UGGT2: variants seen among roughly 807,000 people sequenced by gnomAD.
UGGT2 encodes UDP-glucose:glycoprotein glucosyltransferase 2.
In UGGT2, 180 loss-of-function variants were observed where a neutral mutation model predicts 192.1. That is an observed-to-expected ratio of 0.94 (90% CI 0.83 to 1.06). UGGT2 has a LOEUF of 1.06. UGGT2 is among the 50% of genes least tolerant of loss of function. The pLI, the probability that UGGT2 is intolerant of heterozygous loss-of-function variation, is 0.00. For synonymous variants in UGGT2, 580 were observed against 591.0 expected (o/e 0.98, Z 0.27); for missense variants, 1,849 against 1,795.7 (o/e 1.03, Z -0.54).
intron 4 of UGGT2, among the ~76,000 whole-genome samples, chr13:96,014,660 G>A (rs1414735224): frequency 6.6e-6 from 1 of 152,134 alleles, no homozygotes; most frequent in Non-Finnish European, 1.5e-5. Flanking sequence ...GAAGAGACAT[G>A]AATGTGCAAA....
At chr13:95,859,164 C>G (rs1038072041) in intron 33 of UGGT2, among the ~76,000 whole-genome samples, 1 of 152,086 alleles carries the variant, frequency 6.6e-6, no homozygotes, top group Non-Finnish European at 1.5e-5. Context: ...ATACACTACA[C>G]AGACGAAAGA....
chr13:95,909,676 G>A (rs1375530807), intron 20 of UGGT2, among the ~76,000 whole-genome samples: 7 of 147,414 alleles, frequency 4.7e-5, no homozygotes, highest in African/African-American at 7.5e-5. Flanking sequence ...TGGGTGCAGC[G>A]CACCAGCATG....
chr13:96,036,346 T>C (rs1485260834), intron 1 of UGGT2, among the ~76,000 whole-genome samples: 1 of 152,080 alleles, frequency 6.6e-6, no homozygotes, highest in East Asian at 1.9e-4. Context: ...AAGTGGGAGC[T>C]GAATGATGAG....
chr13:95,923,492 GC>G (rs2140416760), intron 20 of UGGT2, among the ~76,000 whole-genome samples: 1 of 150,900 alleles, frequency 6.6e-6, no homozygotes, highest in East Asian at 2.0e-4. Context: ...CCTCAGCCTC[GC>G]CAGTAGCTGG....
intron 20 of UGGT2, among the ~76,000 whole-genome samples, chr13:95,916,759 A>G (rs2048693435): frequency 6.6e-6 from 1 of 152,186 alleles, no homozygotes; most frequent in African/African-American, 2.4e-5. Flanking sequence ...CAATGCAACC[A>G]CAAGTATCAA....
rs1442170678 is a variant in UGGT2, at chr13:95,895,163, A to C, written c.2759+17T>G. The C allele has an allele frequency of 1.3e-6, 2 of 1,562,978 alleles. No individual in the cohort carries two copies. The highest frequency in any genetic ancestry group is 1.7e-6 in the Non-Finnish European group (2 of 1,166,002). On this transcript the variant is annotated intron_variant, in intron 23 of 38. Coordinates refer to ENST00000376747, the MANE Select transcript of UGGT2 (RefSeq NM_020121.4). ...ACCAAACCCAAAATGAATTGCTCTT[A>C]GAACTTATATACTCACTTATTTGCG... is the stretch of plus-strand genomic sequence containing the variant.
chr13:95,806,398 T>C (rs919539550), intron 38 of UGGT2, among the ~76,000 whole-genome samples: 1 of 152,136 alleles, frequency 6.6e-6, no homozygotes, highest in African/African-American at 2.4e-5. Flanking sequence ...GAGATCCAGT[T>C]GGTGTCCAGT....
intron 11 of UGGT2, 121 bp from the exon 12 acceptor site, chr13:95,970,383 G>C (rs998436628): frequency 1.2e-6 from 1 of 801,830 alleles, no homozygotes; most frequent in African/African-American, 1.8e-5. Context: ...TTAATAGCAG[G>C]AAAAATATAT....
intron 15 of UGGT2, among the ~76,000 whole-genome samples, chr13:95,945,635 G>A (rs368366378): frequency 6.6e-6 from 1 of 152,022 alleles, no homozygotes; most frequent in African/African-American, 2.4e-5. Context: ...ATATCTTCAG[G>A]TTTCTAAGTT....
At chr13:95,913,895 AC>A (rs1211542538) in intron 20 of UGGT2, among the ~76,000 whole-genome samples, 1 of 152,208 alleles carries the variant, frequency 6.6e-6, no homozygotes, top group South Asian at 2.1e-4. Flanking sequence ...ACCATGGAAT[AC>A]TATGCAGCCA....
At chr13:96,023,286 C>T (rs951380982) in intron 3 of UGGT2, 134 bp from the exon 4 acceptor site, 6 of 662,918 alleles carry the variant, frequency 9.1e-6, no homozygotes, top group Non-Finnish European at 1.3e-5. Flanking sequence ...AGTAAAAAAA[C>T]ATCTATACGT....
intron 10 of UGGT2, among the ~76,000 whole-genome samples, chr13:95,978,541 T>C (rs532269375): frequency 6.6e-6 from 1 of 152,284 alleles, no homozygotes; most frequent in Non-Finnish European, 1.5e-5. Flanking sequence ...TATGATCCCA[T>C]TTGTCCAAAT....
chr13:95,985,346 A>G, intron 9 of UGGT2: 2 of 1,166,452 alleles, frequency 1.7e-6, no homozygotes, highest in Non-Finnish European at 2.3e-6. Context: ...ATCTGTAAAT[A>G]AGGAAACAAA....
chr13:95,879,358 T>C (rs1043391495), intron 27 of UGGT2, among the ~76,000 whole-genome samples: 2 of 152,242 alleles, frequency 1.3e-5, no homozygotes, highest in Admixed American at 1.3e-4. Context: ...CAAAGAGTTC[T>C]TTCTAGTGAA....
intron 5 of UGGT2, among the ~76,000 whole-genome samples, chr13:96,002,086 T>C (rs2051825315): frequency 6.6e-6 from 1 of 152,200 alleles, no homozygotes; most frequent in Non-Finnish European, 1.5e-5. Flanking sequence ...ATACATATAT[T>C]TTTTAACAAC....
In UGGT2 at chr13:95,854,440, G is replaced by A. The variant is rs549305023; in HGVS notation, c.4044C>T (p.Phe1348=). 14 of 1,610,710 alleles carry A rather than the reference G, an allele frequency of 8.7e-6. No homozygotes were observed. Among genetic ancestry groups the A allele is most frequent in the East Asian group, 2.2e-5 (1 of 44,800 alleles). Residue 1348 remains phenylalanine, a synonymous_variant, in exon 35 of 39, where the codon TTC becomes TTT. Coordinates refer to ENST00000376747, the MANE Select transcript of UGGT2 (RefSeq NM_020121.4). The part of the protein sequence containing the change: ...VRHDLKELRD[F]DLDGAPYGYT... Reference sequence around the variant, plus strand: ...ACCCATAAGGAGCTCCATCCAGATCGAAATCTCGAAGTTCTTTTAGATCAT... The same window carrying A: ...ACCCATAAGGAGCTCCATCCAGATCAAAATCTCGAAGTTCTTTTAGATCAT...
chr13:95,911,974 A>G (rs2048514315), intron 20 of UGGT2, among the ~76,000 whole-genome samples: 1 of 152,214 alleles, frequency 6.6e-6, no homozygotes, highest in East Asian at 1.9e-4. Context: ...AAACAGAATC[A>G]ACAACAAAAA....
rs9525086 is a variant in UGGT2, at chr13:95,927,208, T to C, written c.2101+5A>G. 0.4 allele frequency: 645,821 copies of C among 1,608,464 alleles called. 132,685 individuals carry two copies. The highest frequency in any genetic ancestry group is 0.49 in the Admixed American group (29,224 of 59,644). On this transcript the variant is annotated splice_donor_5th_base_variant and intron_variant, in intron 18 of 38. Transcript: ENST00000376747. Reference sequence around the variant, plus strand: ...CATTTGTAGAACAGTATAGGATTATTTTACCTGATGTAGATATTAAATTGA... The same window carrying C: ...CATTTGTAGAACAGTATAGGATTATCTTACCTGATGTAGATATTAAATTGA...
intron 20 of UGGT2, among the ~76,000 whole-genome samples, chr13:95,908,277 T>G (rs758617737): frequency 5.1e-4 from 77 of 152,290 alleles, no homozygotes; most frequent in Admixed American, 1.2e-3. Flanking sequence ...GTATGACTGG[T>G]GTACCTGAAA....
Sources: allele counts gnomAD v4.1 joint callset (sites outside exome capture counted in the v4.1 genomes callset), GRCh38; gene constraint gnomAD v4.1.1; transcripts MANE v1.5; gene names NCBI Gene and HGNC (gene_info 2026-07-23, HGNC 2026-07-21).